The following DNAJC6 variants were observed in gnomAD, a reference collection of about 807,000 sequenced individuals.
DNAJC6 encodes the protein auxilin.
DNAJC6 carries 34 observed loss-of-function variants against 110.0 expected under a neutral mutation model. The ratio of observed to expected loss-of-function variants is 0.31; its 90% CI spans 0.24 to 0.41. The LOEUF (loss-of-function observed/expected upper bound fraction) is 0.41. DNAJC6 is among the 10% of genes least tolerant of loss of function. The probability of loss-of-function intolerance (pLI) is 1.00; values close to 1 mark genes in which losing one functional copy is unlikely to be tolerated. For missense variants in DNAJC6, 1,031 were observed against 1,207.8 expected (o/e 0.85, Z 2.17); for synonymous variants, 406 against 437.2 (o/e 0.93, Z 0.89).
Position 65,406,102 on chromosome 1 carries a change from G to A in DNAJC6, c.2460G>A (p.Gln820=). The A allele has an allele frequency of 1.2e-6, 2 of 1,614,162 alleles. No individual in the cohort carries two copies. The highest frequency in any genetic ancestry group is 1.7e-6 in the Non-Finnish European group (2 of 1,180,016). ...GCTTCTCAGCCATGCCTGGGGGCCA[G>A]AACGAACGTGGGAAAGGATCAAGTA... ...NVSFSAMPGG[Q]NERGKGSSNL... is the part of the protein sequence containing the mutation. Residue 820 remains glutamine, a synonymous_variant, in exon 16 of 19, where the codon CAG becomes CAA. Transcript: ENST00000371069.
chr1:65,342,803 A>G (rs1376485909), intron 1 of DNAJC6, among the ~76,000 whole-genome samples: 1 of 152,200 alleles, frequency 6.6e-6, no homozygotes, highest in Non-Finnish European at 1.5e-5. Flanking sequence ...TTAAAAGTGA[A>G]TAGAAACGGT....
intron 6 of DNAJC6, 70 bp downstream of exon 6, chr1:65,384,396 C>T: frequency 3.1e-6 from 4 of 1,286,512 alleles, no homozygotes; most frequent in Non-Finnish European, 4.0e-6. Context: ...TTTAAATCTG[C>T]CTTACAAATC....
chr1:65,363,708 A>G (rs951320355), intron 1 of DNAJC6, among the ~76,000 whole-genome samples: 2 of 152,136 alleles, frequency 1.3e-5, no homozygotes, highest in Admixed American at 6.5e-5. Flanking sequence ...ATGCTACTCA[A>G]CACCTTGCAG....
At chr1:65,272,582 G>C (rs1398397951) in intron 1 of DNAJC6, among the ~76,000 whole-genome samples, 2 of 152,140 alleles carry the variant, frequency 1.3e-5, no homozygotes, top group East Asian at 3.8e-4. Context: ...TCTATTCCCT[G>C]GAAGGTTTTT....
At position 65,408,127 on chromosome 1, in the gene DNAJC6, G is replaced by A. The variant is rs12083028; in HGVS notation, c.2492-514G>A. On this transcript the variant is annotated intron_variant, in intron 16 of 18. Coordinates refer to ENST00000371069, the MANE Select transcript of DNAJC6 (RefSeq NM_001256864.2). ...GCTGGAATGCAAACCCAGGGAGTTG[G>A]GGTCCAAAGTCTTTGTTCCTAGCCA... 1.4e-3 allele frequency among the ~76,000 whole-genome samples: 214 copies of A among 152,282 alleles called. 1 individual carries two copies. Among genetic ancestry groups the A allele is most frequent in the African/African-American group, 5.0e-3 (209 of 41,552 alleles).
chr1:65,411,612 A>G (rs1646129504), intron 18 of DNAJC6, among the ~76,000 whole-genome samples, 186 bp downstream of exon 18: 1 of 152,228 alleles, frequency 6.6e-6, no homozygotes, highest in South Asian at 2.1e-4. Context: ...ATATCAAACT[A>G]TATATTACAG....
intron 1 of DNAJC6, among the ~76,000 whole-genome samples, chr1:65,323,988 A>G (rs781655283): frequency 2.3e-4 from 35 of 152,296 alleles, no homozygotes; most frequent in Non-Finnish European, 3.8e-4. Flanking sequence ...TCCTTGCCCT[A>G]TAGTGGATAA....
At position 65,395,030 on chromosome 1, in the gene DNAJC6, A is replaced by G. The variant is rs531876754; in HGVS notation, c.2036A>G (p.His679Arg). ...QPTRSPSPTV[H>R]ASSTPAVNIQ... is the part of the protein sequence containing the mutation. ...ACAAGAAGTCCTTCGCCCACAGTACATGGTAAGGAAATATTTTATATTGTG... is the reference window on the plus strand; with the variant it reads ...ACAAGAAGTCCTTCGCCCACAGTACGTGGTAAGGAAATATTTTATATTGTG... Residue 679 changes from histidine to arginine, a missense_variant and splice_region_variant, in exon 13 of 19, where the codon CAT becomes CGT. Physicochemically the swap from His to Arg is conservative, Grantham distance 29 (BLOSUM62 0). Coordinates refer to ENST00000371069, the MANE Select transcript of DNAJC6 (RefSeq NM_001256864.2). The G allele has an allele frequency of 6.2e-6, 10 of 1,604,572 alleles. No individual in the cohort carries two copies. In the East Asian group the frequency reaches 2.0e-4, roughly 33 times the overall value.
intron 1 of DNAJC6, among the ~76,000 whole-genome samples, chr1:65,323,953 A>C (rs1048258134): frequency 2.6e-5 from 4 of 152,194 alleles, no homozygotes; most frequent in African/African-American, 9.6e-5. Context: ...AAATGGAATA[A>C]GGAATAGAAA....
chr1:65,392,302 G>T, intron 11 of DNAJC6, 129 bp from the exon 12 acceptor site: 2 of 816,116 alleles, frequency 2.5e-6, no homozygotes, highest in Non-Finnish European at 3.8e-6. Context: ...CACTGATTAG[G>T]GTCTAAAAAC....
chr1:65,351,701 A>G (rs1645491202), intron 1 of DNAJC6, among the ~76,000 whole-genome samples: 1 of 152,232 alleles, frequency 6.6e-6, no homozygotes, highest in Non-Finnish European at 1.5e-5. Context: ...CCATAGCAGA[A>G]TCATTGATCA....
intron 5 of DNAJC6, among the ~76,000 whole-genome samples, chr1:65,380,910 TGTTTTGTTTTG>T (rs1339837949): frequency 6.7e-5 from 8 of 119,988 alleles, no homozygotes; most frequent in East Asian, 2.5e-4. Flanking sequence ...TTTTGTTTTT[TGTTTTGTTTTG>T]TTTTTTTTTT....
intron 1 of DNAJC6, among the ~76,000 whole-genome samples, chr1:65,339,975 G>A (rs991831141): frequency 6.6e-6 from 1 of 152,166 alleles, no homozygotes; most frequent in Non-Finnish European, 1.5e-5. Context: ...TTAATAAGTT[G>A]CACAAATCAC....
At position 65,366,871 on chromosome 1, in the gene DNAJC6, T is replaced by C. The variant is rs141006852; in HGVS notation, c.543+675T>C. ...GGGTCTATTAATAAATAGAATGGAC[T>C]TTCTATGCATGGATCCTTTAAAAGT... On this transcript the variant is annotated intron_variant, in intron 4 of 18. Transcript: ENST00000371069. 2.3e-3 allele frequency among the ~76,000 whole-genome samples: 347 copies of C among 152,328 alleles called. 2 individuals are homozygous for C. Among genetic ancestry groups the C allele is most frequent in the African/African-American group, 8.0e-3 (334 of 41,582 alleles).
intron 1 of DNAJC6, among the ~76,000 whole-genome samples, chr1:65,286,325 C>T (rs765014784): frequency 9.2e-5 from 14 of 151,922 alleles, no homozygotes; most frequent in Non-Finnish European, 1.8e-4. Flanking sequence ...TGGCTCACTG[C>T]GACCTCAACC....
At chr1:65,274,352 T>C (rs1442731374) in intron 1 of DNAJC6, among the ~76,000 whole-genome samples, 1 of 152,196 alleles carries the variant, frequency 6.6e-6, no homozygotes, top group Non-Finnish European at 1.5e-5. Context: ...AGTCTTGCTC[T>C]GTCATCCAGG....
chr1:65,323,943 A>G (rs1645218453), intron 1 of DNAJC6, among the ~76,000 whole-genome samples: 1 of 152,196 alleles, frequency 6.6e-6, no homozygotes, highest in Admixed American at 6.5e-5. Flanking sequence ...TAGGAAGAAC[A>G]AATGGAATAA....
intron 15 of DNAJC6, among the ~76,000 whole-genome samples, chr1:65,403,277 A>G (rs888816593): frequency 9.2e-5 from 14 of 152,240 alleles, no homozygotes. Flanking sequence ...AGATGAGGAA[A>G]CAGGGACACA....
intron 12 of DNAJC6, among the ~76,000 whole-genome samples, chr1:65,394,381 A>G (rs1645957676): frequency 6.6e-6 from 1 of 152,170 alleles, no homozygotes; most frequent in South Asian, 2.1e-4. Flanking sequence ...AGAGTTAAAG[A>G]CCTGGATTTG....
Sources: allele counts gnomAD v4.1 joint callset (sites outside exome capture counted in the v4.1 genomes callset), GRCh38; gene constraint gnomAD v4.1.1; transcripts MANE v1.5; gene names NCBI Gene and HGNC (gene_info 2026-07-23, HGNC 2026-07-21).